PDXDC1: variants seen among roughly 807,000 people sequenced by gnomAD.
The protein encoded by PDXDC1 is pyridoxal-dependent decarboxylase domain-containing protein 1.
A neutral mutation model predicts 100.1 loss-of-function variants in PDXDC1; 42 were observed. The ratio of observed to expected loss-of-function variants is 0.42; its 90% CI spans 0.33 to 0.54. PDXDC1 has a LOEUF of 0.54. Among genes scored for constraint, PDXDC1 ranks in the 20% least tolerant of loss-of-function variants. PDXDC1 has a pLI of 0.10. For missense variants in PDXDC1, 636 were observed against 979.2 expected, an observed-to-expected ratio of 0.65 and a Z score of 4.68; for synonymous variants, 260 against 371.7, an observed-to-expected ratio of 0.70 and a Z score of 3.46.
intron 16 of PDXDC1, among the ~76,000 whole-genome samples, chr16:15,043,994 TATC>T (rs912284934): frequency 6.6e-5 from 10 of 152,266 alleles, no homozygotes; most frequent in Admixed American, 2.6e-4. Flanking sequence ...GAAAAAATGG[TATC>T]ATCAGTGTTT....
the PDXDC1 span, among the ~76,000 whole-genome samples, chr16:15,146,913 A>G: frequency 6.6e-6 from 1 of 152,006 alleles, no homozygotes; most frequent in Admixed American, 6.6e-5. Flanking sequence ...ACAGGTGAGG[A>G]AACTGAGGCT....
Position 15,033,303 on chromosome 16 carries a change from C to T in PDXDC1, c.1716C>T (p.Ser572=), listed in dbSNP as rs1468368521. The change falls in exon 19 of 23, where the codon AGC becomes AGT. Residue 572 remains serine (S), a synonymous_variant. Transcript: ENST00000396410. ...KIGPEYKSMK[S]CLYVGMASDN... ...GCCCTGAGTATAAGAGCATGAAGAG[C>T]TGCCTTTATGTCGGCATGGCGAGCG... 6.2e-7 allele frequency: 1 copy of T among 1,614,058 alleles called. No homozygotes were observed. Among genetic ancestry groups the T allele is most frequent in the Non-Finnish European group, 8.5e-7 (1 of 1,180,008 alleles).
At chr16:15,081,773 G>C (rs1036144433) in intron 16 of PDXDC1, among the ~76,000 whole-genome samples, 1 of 152,110 alleles carries the variant, frequency 6.6e-6, no homozygotes, top group East Asian at 1.9e-4. Context: ...AAATGTACTC[G>C]TTTTCTTCTC....
At chr16:15,131,444 G>A (rs2048053642) in intron 16 of PDXDC1, 5 of 1,608,446 alleles carry the variant, frequency 3.1e-6, no homozygotes, top group East Asian at 4.5e-5. Flanking sequence ...AAAGCCTAGG[G>A]GATGGAGAAG....
intron 19 of PDXDC1, 101 bp downstream of exon 19, chr16:15,033,500 G>C (rs1279419323): frequency 3.8e-6 from 5 of 1,309,570 alleles, no homozygotes; most frequent in Admixed American, 3.7e-5. Flanking sequence ...TCTGTTCGTT[G>C]TCTCTCAAAG....
chr16:15,035,381 A>C, intron 21 of PDXDC1, 68 bp from the exon 22 acceptor site: 2 of 774,722 alleles, frequency 2.6e-6, no homozygotes, highest in South Asian at 1.9e-5. Flanking sequence ...AGGCTGTGTG[A>C]GGGCAGGTGG....
At chr16:15,071,114 T>C in intron 16 of PDXDC1, 1 of 1,597,224 alleles carries the variant, frequency 6.3e-7, no homozygotes, top group Non-Finnish European at 8.5e-7. Context: ...AAAATTAGGC[T>C]ACTTACATAA....
intron 16 of PDXDC1, among the ~76,000 whole-genome samples, chr16:15,114,214 CTTAT>C (rs1245824013): frequency 6.7e-6 from 1 of 149,234 alleles, no homozygotes; most frequent in African/African-American, 2.5e-5. Flanking sequence ...GTTAAAAAAA[CTTAT>C]TTTTGACCAA....
At chr16:15,005,135 G>A (rs1228902567) in intron 5 of PDXDC1, among the ~76,000 whole-genome samples, 1 of 152,260 alleles carries the variant, frequency 6.6e-6, no homozygotes, top group Non-Finnish European at 1.5e-5. Context: ...GAGGTGGGCG[G>A]ATCACAAGGT....
the PDXDC1 span, among the ~76,000 whole-genome samples, chr16:15,145,946 A>T: frequency 6.6e-6 from 1 of 152,172 alleles, no homozygotes. Flanking sequence ...CCTCCAAAGT[A>T]TGTTCCTCGC....
At chr16:15,144,391 A>T in the PDXDC1 span, among the ~76,000 whole-genome samples, 1 of 152,204 alleles carries the variant, frequency 6.6e-6, no homozygotes, top group Non-Finnish European at 1.5e-5. Context: ...TCATTTGAAA[A>T]AAAACAGTGC....
chr16:15,053,363 T>C (rs1005870429), intron 16 of PDXDC1, among the ~76,000 whole-genome samples: 5 of 152,226 alleles, frequency 3.3e-5, no homozygotes, highest in Non-Finnish European at 4.4e-5. Flanking sequence ...CTTATTGTTA[T>C]TATTTGCTAG....
At chr16:15,034,859 C>G (rs897811034) in intron 21 of PDXDC1, among the ~76,000 whole-genome samples, 3 of 152,214 alleles carry the variant, frequency 2.0e-5, no homozygotes, top group Admixed American at 6.5e-5. Flanking sequence ...CATTTTGGTT[C>G]AGGGTTAATA....
At chr16:15,063,637 G>A (rs1335331474) in intron 16 of PDXDC1, among the ~76,000 whole-genome samples, 3 of 149,018 alleles carry the variant, frequency 2.0e-5, no homozygotes, top group Non-Finnish European at 4.4e-5. Context: ...CCTGGGAGAC[G>A]GAGCTTGCAG....
chr16:15,083,193 G>A (rs192017714), intron 16 of PDXDC1, among the ~76,000 whole-genome samples: 21 of 152,314 alleles, frequency 1.4e-4, no homozygotes, highest in Non-Finnish European at 2.6e-4. Flanking sequence ...AAGGTCAGGC[G>A]TTCGATACCA....
intron 16 of PDXDC1, chr16:15,061,691 T>G: frequency 1.3e-6 from 2 of 1,560,618 alleles, no homozygotes; most frequent in South Asian, 2.3e-5. Context: ...GCTGAGGGCA[T>G]GACAAGTGAT....
At chr16:15,090,820 T>C (rs1459323507) in intron 16 of PDXDC1, among the ~76,000 whole-genome samples, 1 of 152,016 alleles carries the variant, frequency 6.6e-6, no homozygotes, top group Non-Finnish European at 1.5e-5. Context: ...TGCATTCAGC[T>C]TTTACTACAT....
At chr16:15,014,444 C>T (rs1265963047) in intron 8 of PDXDC1, among the ~76,000 whole-genome samples, 3 of 152,282 alleles carry the variant, frequency 2.0e-5, no homozygotes, top group Non-Finnish European at 4.4e-5. Flanking sequence ...CCAAGAAATA[C>T]GAAAAGAGAA....
chr16:15,084,814 C>T (rs2151811823), intron 16 of PDXDC1: 1 of 794,176 alleles, frequency 1.3e-6, no homozygotes, highest in African/African-American at 1.7e-5. Flanking sequence ...GCCTGTAATC[C>T]CAGCACTTTG....
Sources: allele counts gnomAD v4.1 joint callset (sites outside exome capture counted in the v4.1 genomes callset), GRCh38; gene constraint gnomAD v4.1.1; transcripts MANE v1.5; gene names NCBI Gene and HGNC (gene_info 2026-07-23, HGNC 2026-07-21).